NRXN3: variants seen among roughly 807,000 people sequenced by gnomAD.
NRXN3 encodes the protein neurexin III.
NRXN3 carries 32 observed loss-of-function variants against 137.6 expected under a neutral mutation model. That is an observed-to-expected ratio of 0.23 (90% CI 0.18 to 0.31). NRXN3 has a LOEUF of 0.31. Ranked by LOEUF, NRXN3 falls within the 10% of genes least tolerant of loss-of-function variation. The pLI is 1.00. For synonymous variants in NRXN3, 798 were observed against 784.5 expected, an observed-to-expected ratio of 1.02 and a Z score of -0.29; for missense variants, 1,574 against 2,062.5, an observed-to-expected ratio of 0.76 and a Z score of 4.59.
chr14:78,703,065 A>G (rs1361919061), intron 6 of NRXN3, among the ~76,000 whole-genome samples: 1 of 152,228 alleles, frequency 6.6e-6, no homozygotes, highest in African/African-American at 2.4e-5. Context: ...TGACCATGGC[A>G]CTAAACTGCT....
At chr14:78,679,217 A>G (rs1016057975) in intron 6 of NRXN3, among the ~76,000 whole-genome samples, 2 of 152,180 alleles carry the variant, frequency 1.3e-5, no homozygotes, top group Non-Finnish European at 2.9e-5. Context: ...GTAGATACGA[A>G]ATCCTTATCT....
chr14:79,772,503 C>T (rs1398812763), intron 19 of NRXN3, among the ~76,000 whole-genome samples: 3 of 152,058 alleles, frequency 2.0e-5, no homozygotes, highest in Non-Finnish European at 4.4e-5. Flanking sequence ...CTTTGACAAA[C>T]CTGAGAAAAA....
chr14:79,559,848 G>C (rs537799938), intron 16 of NRXN3, among the ~76,000 whole-genome samples: 6 of 152,180 alleles, frequency 3.9e-5, no homozygotes, highest in Non-Finnish European at 7.4e-5. Context: ...TGTAGTCAGA[G>C]GGCTATTGTA....
chr14:78,195,590 A>G (rs1179049603), intron 1 of NRXN3, among the ~76,000 whole-genome samples: 6 of 152,222 alleles, frequency 3.9e-5, no homozygotes, highest in Non-Finnish European at 8.8e-5. Context: ...GGGAGATGAC[A>G]TCTGAGCTAA....
intron 4 of NRXN3, among the ~76,000 whole-genome samples, chr14:78,593,850 C>G (rs1036087618): frequency 6.6e-6 from 1 of 152,134 alleles, no homozygotes; most frequent in African/African-American, 2.4e-5. Flanking sequence ...TCTCACCACC[C>G]CTGCTCAACC....
chr14:78,734,703 T>A (rs1192389993), intron 8 of NRXN3, among the ~76,000 whole-genome samples: 1 of 152,104 alleles, frequency 6.6e-6, no homozygotes, highest in Non-Finnish European at 1.5e-5. Flanking sequence ...AATAAGAAGG[T>A]GTTACCAGAC....
intron 15 of NRXN3, among the ~76,000 whole-genome samples, chr14:79,113,963 G>A (rs551604907): frequency 4.6e-5 from 7 of 152,282 alleles, no homozygotes; most frequent in African/African-American, 1.7e-4. Flanking sequence ...CAAATCAAGA[G>A]CCATGCCTTG....
At chr14:79,330,082 G>A (rs899948529) in intron 15 of NRXN3, among the ~76,000 whole-genome samples, 1 of 151,846 alleles carries the variant, frequency 6.6e-6, no homozygotes, top group African/African-American at 2.4e-5. Flanking sequence ...TGCCCGCCTC[G>A]GCCTCCCAAA....
At chr14:79,221,802 A>T (rs1568660271) in intron 15 of NRXN3, among the ~76,000 whole-genome samples, 1 of 151,866 alleles carries the variant, frequency 6.6e-6, no homozygotes, top group Non-Finnish European at 1.5e-5. Flanking sequence ...ATTGCTTTTG[A>T]TGTTTTAGTC....
chr14:79,631,169 G>A (rs924738068), intron 16 of NRXN3, among the ~76,000 whole-genome samples: 6 of 152,228 alleles, frequency 3.9e-5, no homozygotes, highest in African/African-American at 1.4e-4. Context: ...TTGTCCTCAT[G>A]CATGTCATAC....
intron 16 of NRXN3, among the ~76,000 whole-genome samples, chr14:79,475,298 A>G (rs1171961248): frequency 1.3e-5 from 2 of 152,178 alleles, no homozygotes; most frequent in African/African-American, 4.8e-5. Context: ...ATAGGAAATT[A>G]TGAGAAGGAA....
At chr14:78,842,834 AAGAAG>A (rs2099016363) in intron 10 of NRXN3, among the ~76,000 whole-genome samples, 1 of 152,144 alleles carries the variant, frequency 6.6e-6, no homozygotes, top group Non-Finnish European at 1.5e-5. Flanking sequence ...TTGCTTTTGA[AAGAAG>A]AGAAATGTGG....
intron 10 of NRXN3, among the ~76,000 whole-genome samples, chr14:78,953,317 T>C (rs946002244): frequency 1.3e-5 from 2 of 152,214 alleles, no homozygotes; most frequent in African/African-American, 4.8e-5. Context: ...TCATTATTGG[T>C]TCTGGCTTCT....
intron 15 of NRXN3, among the ~76,000 whole-genome samples, chr14:79,109,902 A>AAAT (rs1216087462): frequency 1.3e-5 from 2 of 152,084 alleles, no homozygotes; most frequent in Non-Finnish European, 2.9e-5. Flanking sequence ...TCTATTTAAA[A>AAAT]AATAATAATA....
intron 20 of NRXN3, among the ~76,000 whole-genome samples, chr14:79,850,865 T>C (rs886768581): frequency 1.3e-5 from 2 of 152,214 alleles, no homozygotes. Flanking sequence ...ACTTATATGG[T>C]AAAGATATAC....
intron 19 of NRXN3, among the ~76,000 whole-genome samples, chr14:79,749,444 T>TC (rs1023015613): frequency 1.3e-5 from 2 of 151,756 alleles, no homozygotes; most frequent in African/African-American, 4.8e-5. Context: ...TTGTTTTTTT[T>TC]TTTGTAGTGA....
At chr14:79,262,984 G>A (rs573672934) in intron 15 of NRXN3, among the ~76,000 whole-genome samples, 2 of 152,294 alleles carry the variant, frequency 1.3e-5, no homozygotes, top group East Asian at 3.9e-4. Flanking sequence ...CACACTTAAA[G>A]TATGGGTGTG....
chr14:79,077,546 T>C (rs1282985186), intron 15 of NRXN3, among the ~76,000 whole-genome samples: 1 of 152,176 alleles, frequency 6.6e-6, no homozygotes, highest in African/African-American at 2.4e-5. Flanking sequence ...TGCTTCCACA[T>C]GGGCCATTTG....
intron 15 of NRXN3, among the ~76,000 whole-genome samples, chr14:79,446,508 A>G (rs1295517656): frequency 6.6e-6 from 1 of 152,176 alleles, no homozygotes; most frequent in East Asian, 1.9e-4. Flanking sequence ...CTCTCCACAT[A>G]AAAATATAAA....
Sources: allele counts gnomAD v4.1 joint callset (sites outside exome capture counted in the v4.1 genomes callset), GRCh38; gene constraint gnomAD v4.1.1; transcripts MANE v1.5; gene names NCBI Gene and HGNC (gene_info 2026-07-23, HGNC 2026-07-21).